RABGAP1L: variants seen among roughly 807,000 people sequenced by gnomAD.
RABGAP1L encodes the protein rab GTPase-activating protein 1-like.
In RABGAP1L, 63 loss-of-function variants were observed where a neutral mutation model predicts 137.7. That is an observed-to-expected ratio of 0.46 (90% CI 0.37 to 0.56). The LOEUF (loss-of-function observed/expected upper bound fraction) is 0.56. Among genes scored for constraint, RABGAP1L ranks in the 20% least tolerant of loss-of-function variants. RABGAP1L has a pLI of 0.00. For missense variants in RABGAP1L, 1,095 were observed against 1,244.0 expected, an observed-to-expected ratio of 0.88 and a Z score of 1.80; for synonymous variants, 431 against 433.7, an observed-to-expected ratio of 0.99 and a Z score of 0.08.
At chr1:174,607,685 T>C (rs1670888836) in intron 13 of RABGAP1L, among the ~76,000 whole-genome samples, 1 of 152,324 alleles carries the variant, frequency 6.6e-6, no homozygotes, top group African/African-American at 2.4e-5. Flanking sequence ...TTGAATACAA[T>C]ATCACAGCCA....
At position 174,988,828 on chromosome 1, in the gene RABGAP1L, G is replaced by A; in HGVS notation, c.2993G>A (p.Cys998Tyr). 6 of 1,537,854 alleles carry A rather than the reference G, an allele frequency of 3.9e-6. No homozygotes were observed. Among genetic ancestry groups the A allele is most frequent in the Non-Finnish European group, 5.3e-6 (6 of 1,142,374 alleles). Residue 998 changes from cysteine to tyrosine, a missense_variant, in exon 25 of 26, where the codon TGT becomes TAT. Around this residue, in one of 4 missense-constraint regions of RABGAP1L, gnomAD observed 312 missense variants for 435.6 expected, o/e 0.72. Transcript: ENST00000681986. Reference sequence around the variant, plus strand: ...AAACTGCAGTTGGTGGAGGCCAAGTGTAAAATTCAGGTTGGTGATTTGATA... The same window carrying A: ...AAACTGCAGTTGGTGGAGGCCAAGTATAAAATTCAGGTTGGTGATTTGATA... ...QTKLQLVEAK[C>Y]KIQELEHQRG...
At chr1:174,860,266 T>TA (rs1000308730) in intron 19 of RABGAP1L, among the ~76,000 whole-genome samples, 7 of 152,050 alleles carry the variant, frequency 4.6e-5, no homozygotes, top group Non-Finnish European at 1.0e-4. Context: ...AACACAATAT[T>TA]AAAAAATGAC....
intron 14 of RABGAP1L, among the ~76,000 whole-genome samples, chr1:174,640,102 T>G (rs996858556): frequency 1.3e-5 from 2 of 152,152 alleles, no homozygotes; most frequent in African/African-American, 4.8e-5. Flanking sequence ...ATTTTAATGC[T>G]GTACTGAGCT....
chr1:174,531,365 A>G (rs1396201588), intron 13 of RABGAP1L, among the ~76,000 whole-genome samples: 1 of 152,222 alleles, frequency 6.6e-6, no homozygotes, highest in East Asian at 1.9e-4. Flanking sequence ...AATTGAAATA[A>G]TAGAGGAGGA....
Position 174,953,601 on chromosome 1 carries a change from A to G in RABGAP1L, c.2341-3856A>G, listed in dbSNP as rs374514235. ...AAAGCTTCTCCAGTGATTTAGAATT[A>G]TAACGCTCTGAGTATTATCATCAGG... On this transcript the variant is annotated intron_variant, in intron 19 of 25. Transcript: ENST00000681986. 1.5e-4 allele frequency among the ~76,000 whole-genome samples: 23 copies of G among 152,346 alleles called. 1 individual carries two copies. Among genetic ancestry groups the G allele is most frequent in the African/African-American group, 5.1e-4 (21 of 41,572 alleles).
chr1:174,869,736 TTGAC>T, intron 19 of RABGAP1L, among the ~76,000 whole-genome samples: 1 of 152,286 alleles, frequency 6.6e-6, no homozygotes, highest in East Asian at 1.9e-4. Flanking sequence ...GACGGGATCT[TTGAC>T]TGGTGATTAG....
chr1:174,262,621 G>A (rs2148633134), intron 7 of RABGAP1L, among the ~76,000 whole-genome samples: 1 of 152,274 alleles, frequency 6.6e-6, no homozygotes, highest in Admixed American at 6.5e-5. Flanking sequence ...CTCTATTGCA[G>A]CTCTTTTTGA....
intron 13 of RABGAP1L, among the ~76,000 whole-genome samples, chr1:174,523,797 C>T (rs991744970): frequency 2.0e-5 from 3 of 152,142 alleles, no homozygotes; most frequent in African/African-American, 4.8e-5. Context: ...CCCACCATCA[C>T]GCTCTTCCCT....
rs1016922925 is a variant in RABGAP1L, at chr1:174,815,731, G to C, written c.2340+3771G>C. Among the ~76,000 whole-genome samples, 4 of 152,192 alleles carry C rather than the reference G, an allele frequency of 2.6e-5. No individual in the cohort carries two copies. The South Asian group carries it at 6.2e-4, about 24-fold the overall frequency. ...AAATAATTTTATTTTTCCAAAACTT[G>C]TATGACATTAAATATCAGGAACATT... On this transcript the variant is annotated intron_variant, in intron 19 of 25. Coordinates refer to ENST00000681986, the MANE Select transcript of RABGAP1L (RefSeq NM_001366446.1).
intron 13 of RABGAP1L, among the ~76,000 whole-genome samples, chr1:174,536,767 T>C (rs1195801996): frequency 2.6e-5 from 4 of 152,168 alleles, no homozygotes; most frequent in Non-Finnish European, 5.9e-5. Context: ...AAGGGAAATA[T>C]TGTTAATTCT....
At chr1:174,164,464 A>G (rs1310903088) in intron 1 of RABGAP1L, among the ~76,000 whole-genome samples, 1 of 152,232 alleles carries the variant, frequency 6.6e-6, no homozygotes, top group African/African-American at 2.4e-5. Flanking sequence ...ACACACACAC[A>G]AAGTTGAAAG....
intron 19 of RABGAP1L, among the ~76,000 whole-genome samples, chr1:174,931,666 A>T (rs1435904774): frequency 1.3e-5 from 2 of 152,246 alleles, no homozygotes; most frequent in African/African-American, 4.8e-5. Flanking sequence ...GTTATAAAAT[A>T]AACTGATGGT....
chr1:174,256,081 C>T (rs546528629), intron 7 of RABGAP1L, among the ~76,000 whole-genome samples: 1 of 152,258 alleles, frequency 6.6e-6, no homozygotes, highest in East Asian at 1.9e-4. Flanking sequence ...ATATCCTTTC[C>T]CCCACTCCAG....
chr1:174,741,746 A>G (rs530499493), intron 17 of RABGAP1L, among the ~76,000 whole-genome samples: 4 of 141,956 alleles, frequency 2.8e-5, no homozygotes, highest in Admixed American at 7.6e-5. Context: ...GTTTTGTTCT[A>G]CTGGTCTATG....
chr1:174,655,268 C>T (rs1303662057), intron 14 of RABGAP1L, among the ~76,000 whole-genome samples: 1 of 152,166 alleles, frequency 6.6e-6, no homozygotes, highest in Admixed American at 6.6e-5. Flanking sequence ...GGATCCAGTT[C>T]AGAATCTCTT....
At chr1:174,790,803 A>G (rs917380638) in intron 18 of RABGAP1L, among the ~76,000 whole-genome samples, 1 of 150,178 alleles carries the variant, frequency 6.7e-6, no homozygotes, top group Admixed American at 6.7e-5. Context: ...GGCGGGGGGT[A>G]TGTGTTTATG....
chr1:174,265,762 T>C (rs1047777232), intron 7 of RABGAP1L, among the ~76,000 whole-genome samples: 1 of 146,070 alleles, frequency 6.8e-6, no homozygotes, highest in African/African-American at 2.5e-5. Flanking sequence ...ATTTTCTCTG[T>C]ACTGGTATTT....
chr1:174,907,733 A>G (rs1024660528), intron 19 of RABGAP1L, among the ~76,000 whole-genome samples: 2 of 152,212 alleles, frequency 1.3e-5, no homozygotes, highest in African/African-American at 4.8e-5. Flanking sequence ...CAACAAATTT[A>G]CTACCTATTA....
chr1:174,782,082 G>GT (rs762894620), intron 18 of RABGAP1L, among the ~76,000 whole-genome samples: 4 of 152,164 alleles, frequency 2.6e-5, no homozygotes, highest in Non-Finnish European at 4.4e-5. Context: ...CTTTAAAGTA[G>GT]TTTTTTCCAA....
Sources: gnomAD v4.1 joint callset for allele counts (sites outside exome capture counted in the v4.1 genomes callset) on GRCh38, gnomAD v4.1.1 for gene constraint, gnomAD v4.1.1 regional missense constraint, MANE v1.5 for transcripts, NCBI Gene and HGNC (gene_info 2026-07-23, HGNC 2026-07-21) for gene names.